Variants in PTGFR observed in about 807,000 individuals in gnomAD.
The protein encoded by PTGFR is prostaglandin F2-alpha receptor.
Under a neutral mutation model 26.2 loss-of-function variants are expected in PTGFR, and 15 were observed. The observed-to-expected ratio is 0.57, with a 90% CI of 0.38 to 0.88. The LOEUF (loss-of-function observed/expected upper bound fraction) is 0.88, where lower values mean the gene tolerates loss of function less well. PTGFR is among the 40% of genes least tolerant of loss of function. The probability of loss-of-function intolerance (pLI) is 0.00; values close to 1 mark genes in which losing one functional copy is unlikely to be tolerated. For synonymous variants in PTGFR, 165 were observed against 151.1 expected (o/e 1.09, Z -0.68); for missense variants, 369 against 427.2 (o/e 0.86, Z 1.20).
At chr1:78,514,403 T>C (rs1461192334) in intron 2 of PTGFR, among the ~76,000 whole-genome samples, 1 of 152,202 alleles carries the variant, frequency 6.6e-6, no homozygotes, top group Non-Finnish European at 1.5e-5. Flanking sequence ...GTTTAGGACT[T>C]GTGTGGGGCC....
intron 2 of PTGFR, among the ~76,000 whole-genome samples, chr1:78,521,930 C>T (rs982344657): frequency 6.6e-6 from 1 of 152,072 alleles, no homozygotes; most frequent in Non-Finnish European, 1.5e-5. Flanking sequence ...CATGAAACAG[C>T]GCTCATCTTA....
intron 2 of PTGFR, among the ~76,000 whole-genome samples, chr1:78,521,139 C>T (rs1270050222): frequency 6.6e-6 from 1 of 152,088 alleles, no homozygotes. Flanking sequence ...TTGCTCACTG[C>T]AACCTTTTAA....
Position 78,532,374 on chromosome 1 carries a change from A to G in PTGFR, c.799-4032A>G, listed in dbSNP as rs1445276229. The G allele has an allele frequency of 9.3e-5, 11 of 118,542 alleles. 1 individual carries two copies. The highest frequency in any genetic ancestry group is 6.2e-3 in the Middle Eastern group (2 of 322). 7.3% of individuals were successfully genotyped at this position (118,542 alleles called of 1,614,324 possible). ...GTCAAGTAAATTCATTTATATATAT[A>G]TATATATATATATATATATATATGT... On this transcript the variant is annotated intron_variant, in intron 2 of 2. Coordinates refer to ENST00000370757, the MANE Select transcript of PTGFR (RefSeq NM_000959.4).
chr1:78,534,512 C>T (rs1650597676), intron 2 of PTGFR, among the ~76,000 whole-genome samples: 1 of 152,062 alleles, frequency 6.6e-6, no homozygotes, highest in South Asian at 2.1e-4. Flanking sequence ...TATATCTCCA[C>T]AAATTTCTTA....
At chr1:78,513,742 A>G (rs779373932) in intron 2 of PTGFR, among the ~76,000 whole-genome samples, 10 of 152,200 alleles carry the variant, frequency 6.6e-5, no homozygotes, top group Non-Finnish European at 1.2e-4. Context: ...AATCCATTTC[A>G]GAAGTCTTTG....
intron 2 of PTGFR, among the ~76,000 whole-genome samples, chr1:78,503,666 A>G (rs971924211): frequency 6.6e-6 from 1 of 152,164 alleles, no homozygotes. Context: ...CTCTTCTCCA[A>G]ACTCCACATG....
At chr1:78,499,555 A>G (rs1454079402) in intron 2 of PTGFR, among the ~76,000 whole-genome samples, 3 of 152,214 alleles carry the variant, frequency 2.0e-5, no homozygotes, top group African/African-American at 7.2e-5. Context: ...TCTGCTGAGG[A>G]GGTCAGGACC....
At chr1:78,534,329 G>C (rs1048890399) in intron 2 of PTGFR, among the ~76,000 whole-genome samples, 3 of 152,108 alleles carry the variant, frequency 2.0e-5, no homozygotes, top group African/African-American at 4.8e-5. Flanking sequence ...TGCTTTTGTC[G>C]AACCAGCTTG....
Position 78,536,912 on chromosome 1 carries a change from G to T in PTGFR, c.*225G>T. 1 of 506,914 alleles carries T rather than the reference G, an allele frequency of 2.0e-6. No homozygotes were observed. Among genetic ancestry groups the T allele is most frequent in the Admixed American group, 3.8e-5 (1 of 26,208 alleles). 31.4% of individuals were successfully genotyped at this position (506,914 alleles called of 1,614,324 possible). A position where few individuals can be genotyped will look rare whatever the true frequency, so the allele number is the denominator to read the frequency against. On this transcript the variant is annotated 3_prime_UTR_variant, in exon 3 of 3. Transcript: ENST00000370757. ...TGGGAGGTAGACACAATAAAATAAT[G>T]CCATGGGAGTCACACTGAAAGCAAT...
chr1:78,518,951 C>T (rs58710307), intron 2 of PTGFR, among the ~76,000 whole-genome samples: 12,639 of 152,172 alleles, frequency 0.083, 873 homozygotes, highest in African/African-American at 0.19. Context: ...AGGTGCTTAA[C>T]TACTCTTCAG....
At chr1:78,530,956 G>A (rs114905278) in intron 2 of PTGFR, among the ~76,000 whole-genome samples, 1,983 of 152,160 alleles carry the variant, frequency 0.013, 52 homozygotes, top group Admixed American at 0.073. Context: ...GGTTTTAGGA[G>A]GATGAATTGG....
At chr1:78,518,567 G>GACACACACACACAC (rs57447321) in intron 2 of PTGFR, among the ~76,000 whole-genome samples, 2 of 137,860 alleles carry the variant, frequency 1.5e-5, no homozygotes, top group African/African-American at 5.4e-5. Context: ...CAGTATAAAA[G>GACACACACACACAC]ACACACACAC....
intron 2 of PTGFR, among the ~76,000 whole-genome samples, chr1:78,493,869 A>G (rs562945495): frequency 1.3e-5 from 2 of 149,372 alleles, no homozygotes; most frequent in East Asian, 3.9e-4. Flanking sequence ...CTATAAAACA[A>G]CATTTGAACA....
intron 2 of PTGFR, among the ~76,000 whole-genome samples, chr1:78,509,580 T>C (rs1204626847): frequency 1.3e-5 from 2 of 152,190 alleles, no homozygotes; most frequent in Non-Finnish European, 2.9e-5. Context: ...GGTGAAAAGA[T>C]AGTTTCCGAT....
chr1:78,492,065 A>C lies in PTGFR; in HGVS notation c.-72-607A>C, dbSNP rs78819271. ...GCTAGACCAGAAAACCTTCCCAGAG[A>C]CTCACCACTCTGCTTTTCATGGGTT... On this transcript the variant is annotated intron_variant, in intron 1 of 2. Transcript: ENST00000370757. Among the ~76,000 whole-genome samples, 912 of 152,176 alleles carry C rather than the reference A, an allele frequency of 6.0e-3. 12 individuals carry two copies. Among genetic ancestry groups the C allele is most frequent in the African/African-American group, 0.021 (863 of 41,514 alleles).
At chr1:78,527,832 C>A (rs1167295144) in intron 2 of PTGFR, among the ~76,000 whole-genome samples, 2 of 152,146 alleles carry the variant, frequency 1.3e-5, no homozygotes, top group African/African-American at 4.8e-5. Flanking sequence ...AATTCCTTCA[C>A]TTGGTATTTA....
chr1:78,535,435 A>G (rs1334801647), intron 2 of PTGFR, among the ~76,000 whole-genome samples: 3 of 152,084 alleles, frequency 2.0e-5, no homozygotes, highest in Non-Finnish European at 2.9e-5. Flanking sequence ...TCAAATTAAG[A>G]TATACATTTC....
intron 2 of PTGFR, among the ~76,000 whole-genome samples, chr1:78,500,156 T>G (rs919058689): frequency 7.2e-5 from 11 of 152,198 alleles, no homozygotes; most frequent in African/African-American, 2.7e-4. Context: ...GCATGTTCCT[T>G]GTCATAAAAT....
In PTGFR at chr1:78,538,438, T is replaced by C. The variant is rs1427241886; in HGVS notation, c.*1751T>C. On this transcript the variant is annotated 3_prime_UTR_variant, in exon 3 of 3. Coordinates refer to ENST00000370757, the MANE Select transcript of PTGFR (RefSeq NM_000959.4). ...AAGGAGTGAGAGAGATGTGTACATATCTTAGGAGGGTTATCTATGTTATCT... is the reference window on the plus strand; with the variant it reads ...AAGGAGTGAGAGAGATGTGTACATACCTTAGGAGGGTTATCTATGTTATCT... 2 of 151,824 alleles carry C rather than the reference T, an allele frequency of 1.3e-5. No homozygotes were observed. The highest frequency in any genetic ancestry group is 2.9e-5 in the Non-Finnish European group (2 of 67,950). 9.4% of individuals were successfully genotyped at this position (151,824 alleles called of 1,614,324 possible). A position where few individuals can be genotyped will look rare whatever the true frequency, so the allele number is the denominator to read the frequency against.
Sources: allele counts gnomAD v4.1 joint callset (sites outside exome capture counted in the v4.1 genomes callset), GRCh38; gene constraint gnomAD v4.1.1; transcripts MANE v1.5; gene names NCBI Gene and HGNC (gene_info 2026-07-23, HGNC 2026-07-21).